Variants in GNA11 observed in about 807,000 individuals in gnomAD.
GNA11 encodes the protein G protein subunit alpha 11.
In GNA11, 8 loss-of-function variants were observed where a neutral mutation model predicts 38.2. The ratio of observed to expected loss-of-function variants is 0.21; its 90% CI spans 0.12 to 0.38. GNA11 has a LOEUF of 0.38. Ranked by LOEUF, GNA11 falls within the 10% of genes least tolerant of loss-of-function variation. The pLI, the probability that GNA11 is intolerant of heterozygous loss-of-function variation, is 1.00. For missense variants in GNA11, 268 were observed against 516.3 expected, an observed-to-expected ratio of 0.52 and a Z score of 4.66; for synonymous variants, 211 against 221.4, an observed-to-expected ratio of 0.95 and a Z score of 0.42.
rs1914059892 is a variant in GNA11 at position 3,121,062 on chromosome 19, C to T, written c.963C>T (p.Asp321=). Residue 321 remains aspartate, a synonymous_variant, in exon 7 of 7, where the codon GAC becomes GAT. Coordinates refer to ENST00000078429, the MANE Select transcript of GNA11 (RefSeq NM_002067.5). ...KMFVDLNPDS[D]KIIYSHFTCA... ...TCGTGGACCTGAACCCCGACAGCGACAAGATCATCTACTCACACTTCACGT... is the reference window on the plus strand; with the variant it reads ...TCGTGGACCTGAACCCCGACAGCGATAAGATCATCTACTCACACTTCACGT... 6.2e-7 allele frequency: 1 copy of T among 1,613,656 alleles called. No homozygotes were observed. The highest frequency in any genetic ancestry group is 1.1e-5 in the South Asian group (1 of 91,094).
At position 3,108,990 on chromosome 19, in the gene GNA11, G is replaced by T. The variant is rs1422981771; in HGVS notation, c.137-1159G>T. Among the ~76,000 whole-genome samples the T allele has an allele frequency of 6.6e-6, 1 of 152,244 alleles. No individual in the cohort carries two copies. The highest frequency in any genetic ancestry group is 1.5e-5 in the Non-Finnish European group (1 of 68,044). ...CAGAGCCCCTGACCCGAGACTGAGG[G>T]CAAGGAGGAAGGCCTGTGCCTTTTG... On this transcript the variant is annotated intron_variant, in intron 1 of 6. Transcript: ENST00000078429. This position sits in a 1 kb window ranked among gnomAD's most constrained non-coding sequence, Gnocchi z 4.5.
intron 2 of GNA11, among the ~76,000 whole-genome samples, chr19:3,111,439 G>A (rs1354861843): frequency 1.3e-5 from 2 of 152,218 alleles, no homozygotes; most frequent in South Asian, 2.1e-4. Flanking sequence ...TGTGTCCGGC[G>A]TCTCTCACTG....
intron 4 of GNA11, chr19:3,118,705 C>A (rs1913986292): frequency 1.9e-6 from 1 of 534,192 alleles, no homozygotes; most frequent in East Asian, 3.0e-5. Context: ...TGGTCTCAGG[C>A]CCCTTTGCCA....
Position 3,094,819 on chromosome 19 carries a change from G to GGCCCT in GNA11, c.136+41_136+45dup, listed in dbSNP as rs1913321725. 6.7e-7 allele frequency: 1 copy of GGCCCT among 1,498,378 alleles called. No homozygotes were observed. The highest frequency in any genetic ancestry group is 1.3e-5 in the South Asian group (1 of 76,900). 92.8% of individuals were successfully genotyped at this position (1,498,378 alleles called of 1,614,324 possible). ...GCGGCCCCCGGGCCTGCCGGCTGCG[G>GGCCCT]GCCCTGCCCTGCCTGTGCCTGCCCT... On this transcript the variant is annotated intron_variant, in intron 1 of 6. Coordinates refer to ENST00000078429, the MANE Select transcript of GNA11 (RefSeq NM_002067.5). This position sits in a 1 kb window ranked among gnomAD's most constrained non-coding sequence, Gnocchi z 6.0.
chr19:3,102,519 C>T (rs1398374460), intron 1 of GNA11, among the ~76,000 whole-genome samples: 1 of 152,204 alleles, frequency 6.6e-6, no homozygotes, highest in African/African-American at 2.4e-5. Context: ...CAGAAGAGCA[C>T]GTCCTGGGCT....
chr19:3,099,014 G>A (rs549192915), intron 1 of GNA11, among the ~76,000 whole-genome samples: 9 of 152,360 alleles, frequency 5.9e-5, no homozygotes, highest in African/African-American at 1.2e-4. Context: ...CCTCCTGCCC[G>A]GCTCTGCCGG....
At position 3,123,886 on chromosome 19, in the gene GNA11, C is replaced by T. The variant is rs927320873; in HGVS notation, c.*2707C>T. ...GGGGCTGAGGAGCGGCTCAGTGTCA[C>T]CTCCCACAGCCACCGGCCCTGACCC... is the stretch of plus-strand genomic sequence containing the variant. On this transcript the variant is annotated 3_prime_UTR_variant, in exon 7 of 7. Transcript: ENST00000078429. 1 of 232,492 alleles carries T rather than the reference C, an allele frequency of 4.3e-6. No individual in the cohort carries two copies. Among genetic ancestry groups the T allele is most frequent in the African/African-American group, 2.2e-5 (1 of 45,324 alleles). 14.4% of individuals were successfully genotyped at this position (232,492 alleles called of 1,614,324 possible).
rs760747005 is a variant in GNA11 at position 3,120,986 on chromosome 19, C to A, written c.890-3C>A. 6.2e-7 allele frequency: 1 copy of A among 1,604,356 alleles called. No homozygotes were observed. The highest frequency in any genetic ancestry group is 1.1e-5 in the South Asian group (1 of 87,974). On this transcript the variant is annotated splice_polypyrimidine_tract_variant and splice_region_variant and intron_variant, in intron 6 of 6. Transcript: ENST00000078429. The surrounding 1 kb of genome is among the most constrained non-coding windows in gnomAD (Gnocchi z 5.9). ...CACAGCCTCACCCTCTGCCCTCCCC[C>A]AGGTCCCCAGCGGGACGCCCAGGCG...
intron 4 of GNA11, 140 bp from the exon 5 acceptor site, chr19:3,118,784 G>C: frequency 1.3e-6 from 1 of 778,096 alleles, no homozygotes; most frequent in East Asian, 2.5e-5. Flanking sequence ...GTCCTTGCCC[G>C]TTCTAAGAGT....
Position 3,114,951 on chromosome 19 carries a change from A to AC in GNA11, c.486dup (p.Asp163ArgfsTer3). 1 of 1,611,040 alleles carries AC rather than the reference A, an allele frequency of 6.2e-7. No homozygotes were observed. The highest frequency in any genetic ancestry group is 8.5e-7 in the Non-Finnish European group (1 of 1,178,618). On this transcript the variant is annotated frameshift_variant, in exon 4 of 7. Coordinates refer to ENST00000078429, the MANE Select transcript of GNA11 (RefSeq NM_002067.5). LOFTEE classifies it high-confidence loss of function. ...CCCACCGCTGTGTTGCAGCTACCTG[A>AC]CCGACGTTGACCGCATCGCCACCTT... is the stretch of plus-strand genomic sequence containing the variant.
intron 1 of GNA11, among the ~76,000 whole-genome samples, chr19:3,100,641 C>T (rs923661908): frequency 3.9e-5 from 6 of 152,112 alleles, no homozygotes; most frequent in African/African-American, 7.2e-5. Flanking sequence ...AAGGGGTCTC[C>T]GGGGACAGTG....
intron 1 of GNA11, among the ~76,000 whole-genome samples, chr19:3,103,674 C>T (rs1054211588): frequency 1.1e-4 from 16 of 151,344 alleles, no homozygotes; most frequent in Non-Finnish European, 7.4e-5. Flanking sequence ...TACAAGCGCC[C>T]ACTGCCACAC....
rs1914122365 is a variant in GNA11, at chr19:3,122,950, C to CG, written c.*1771_*1772insG. The CG allele has an allele frequency of 4.3e-6, 1 of 233,508 alleles. No individual in the cohort carries two copies. The highest frequency in any genetic ancestry group is 6.0e-5 in the East Asian group (1 of 16,570). 14.5% of individuals were successfully genotyped at this position (233,508 alleles called of 1,614,324 possible). ...GAGACGGGGCTGGCGGGATACCCCC[C>CG]CCCCGGCTTCCCCACACCACTTCTG... On this transcript the variant is annotated 3_prime_UTR_variant, in exon 7 of 7. Transcript: ENST00000078429. The surrounding 1 kb of genome is among the most constrained non-coding windows in gnomAD (Gnocchi z 7.7).
chr19:3,097,865 C>A (rs1463964818), intron 1 of GNA11, among the ~76,000 whole-genome samples: 3 of 152,200 alleles, frequency 2.0e-5, no homozygotes, highest in African/African-American at 7.2e-5. Flanking sequence ...GGGTGCTGAG[C>A]AGTGTCCGAG....
Position 3,110,292 on chromosome 19 carries a change from A to G in GNA11, c.280A>G (p.Met94Val), listed in dbSNP as rs975342398. 1 of 1,613,888 alleles carries G rather than the reference A, an allele frequency of 6.2e-7. No individual in the cohort carries two copies. ...FTAMQAMIRA[M>V]ETLKILYKYE... ...CGCCATGCAGGCCATGATCCGGGCC[A>G]TGGAGACGCTCAAGATCCTCTACAA... The change falls in exon 2 of 7, where the codon ATG (methionine) becomes GTG (valine). Residue 94 changes from methionine (M) to valine (V), a missense_variant. Met to Val is a conservative substitution (Grantham distance 21). This residue lies in a region of GNA11 where 151 missense variants were observed against 254.0 expected (regional missense o/e 0.59). Coordinates refer to ENST00000078429, the MANE Select transcript of GNA11 (RefSeq NM_002067.5). This position sits in a 1 kb window ranked among gnomAD's most constrained non-coding sequence, Gnocchi z 5.4.
intron 1 of GNA11, among the ~76,000 whole-genome samples, chr19:3,109,675 C>T (rs1466195003): frequency 6.6e-6 from 1 of 152,138 alleles, no homozygotes; most frequent in African/African-American, 2.4e-5. Context: ...GGCGCCCAGC[C>T]CTTGGGGTGG....
intron 1 of GNA11, among the ~76,000 whole-genome samples, chr19:3,104,290 C>T (rs1398120023): frequency 6.6e-6 from 1 of 152,222 alleles, no homozygotes; most frequent in African/African-American, 2.4e-5. Flanking sequence ...CCAGCGGGTC[C>T]AGTCGGGAGG....
At chr19:3,118,637 G>A (rs1402526931) in intron 4 of GNA11, 7 of 376,402 alleles carry the variant, frequency 1.9e-5, no homozygotes, top group Admixed American at 8.3e-5. Context: ...AGCAGCTGGC[G>A]CCCAGAATCC....
intron 2 of GNA11, among the ~76,000 whole-genome samples, chr19:3,112,313 C>T (rs1350699632): frequency 6.6e-6 from 1 of 152,116 alleles, no homozygotes; most frequent in African/African-American, 2.4e-5. Context: ...AGTCGGAGTC[C>T]GGGGCAGGGA....
Sources: allele counts gnomAD v4.1 joint callset (sites outside exome capture counted in the v4.1 genomes callset), GRCh38; gene constraint gnomAD v4.1.1; regional missense constraint gnomAD v4.1.1; non-coding constraint Gnocchi (gnomAD v3.1); transcripts MANE v1.5; gene names NCBI Gene and HGNC (gene_info 2026-07-23, HGNC 2026-07-21).